SLC9A3: variants seen among roughly 807,000 people sequenced by gnomAD.
The protein encoded by SLC9A3 is solute carrier family 9 member A3.
SLC9A3 carries 37 observed loss-of-function variants against 86.8 expected under a neutral mutation model. The ratio of observed to expected loss-of-function variants is 0.43; its 90% CI spans 0.33 to 0.56. The LOEUF is 0.56. Among genes scored for constraint, SLC9A3 ranks in the 20% least tolerant of loss-of-function variants. SLC9A3 has a pLI of 0.06. For missense variants in SLC9A3, 1,011 were observed against 1,171.9 expected (o/e 0.86, Z 2.00); for synonymous variants, 581 against 528.3 (o/e 1.10, Z -1.37).
At position 513,735 on chromosome 5, in the gene SLC9A3, G is replaced by A. The variant is rs916732991; in HGVS notation, c.211+10377C>T. Among the ~76,000 whole-genome samples, 6 of 152,202 alleles carry A rather than the reference G, an allele frequency of 3.9e-5. No homozygotes were observed. The South Asian group carries it at 6.2e-4, about 16-fold the overall frequency. On this transcript the variant is annotated intron_variant, in intron 1 of 16. Transcript: ENST00000264938. ...CAGACAGCAGCCCCGGGCCACCCTC[G>A]CCTTCTCCCCCTGTGATGGTACACA...
chr5:501,203 G>A (rs1211167322), intron 1 of SLC9A3, among the ~76,000 whole-genome samples: 2 of 152,134 alleles, frequency 1.3e-5, no homozygotes, highest in East Asian at 3.9e-4. Context: ...CTTCTCTCTG[G>A]GCCCCGGGGG....
chr5:490,435 C>T (rs1739680734), intron 2 of SLC9A3, among the ~76,000 whole-genome samples: 1 of 152,276 alleles, frequency 6.6e-6, no homozygotes, highest in South Asian at 2.1e-4. Context: ...CAGGCTCGGC[C>T]AGTTGCACCG....
intron 1 of SLC9A3, among the ~76,000 whole-genome samples, chr5:499,543 C>T (rs191016271): frequency 1.2e-3 from 189 of 152,332 alleles, no homozygotes; most frequent in Middle Eastern, 3.4e-3. Flanking sequence ...GATGGGATGA[C>T]GACACTTGGG....
Position 471,554 on chromosome 5 carries a change from G to C in SLC9A3, c.*1825C>G, listed in dbSNP as rs1182130328. On this transcript the variant is annotated 3_prime_UTR_variant, in exon 17 of 17. Coordinates refer to ENST00000264938, the MANE Select transcript of SLC9A3 (RefSeq NM_004174.4). The stretch of plus-strand genomic sequence containing the variant: ...GGAAGGCCAGGCCCCGGCCTGCTCC[G>C]ATGAACGTCAGGACGGTGGCTGCAG... 1 of 351,212 alleles carries C rather than the reference G, an allele frequency of 2.8e-6. No homozygotes were observed. The highest frequency in any genetic ancestry group is 5.6e-6 in the Non-Finnish European group (1 of 177,962). The allele number at this position is 351,212 out of a possible 1,614,324, so 21.8% of individuals were successfully genotyped here. A position where few individuals can be genotyped will look rare whatever the true frequency, so the allele number is the denominator to read the frequency against.
intron 15 of SLC9A3, 43 bp downstream of exon 15, chr5:475,518 A>G (rs1373362966): frequency 2.5e-6 from 3 of 1,180,238 alleles, no homozygotes; most frequent in South Asian, 1.3e-5. Context: ...GGGCGGCAGG[A>G]GCCACCCCTC....
At chr5:486,443 C>T (rs1182361494) in intron 3 of SLC9A3, among the ~76,000 whole-genome samples, 7 of 152,206 alleles carry the variant, frequency 4.6e-5, no homozygotes, top group Non-Finnish European at 8.8e-5. Flanking sequence ...TAACCATGTT[C>T]CTTGGGGTTC....
rs1268395356 is a variant in SLC9A3, at chr5:476,738, C to T, written c.1761-66G>A. 2.5e-6 allele frequency: 4 copies of T among 1,569,986 alleles called. No individual in the cohort carries two copies. The African/African-American group carries it at 5.4e-5, about 21-fold the overall frequency. On this transcript the variant is annotated intron_variant, in intron 11 of 16. Coordinates refer to ENST00000264938, the MANE Select transcript of SLC9A3 (RefSeq NM_004174.4). ...GGTGGGGTCTCTTGCGCGCCCCTCG[C>T]CTTCCCACGGCGGGCATCTGGCCCT... is the stretch of plus-strand genomic sequence containing the variant.
rs1462418070 is a variant in SLC9A3 at position 475,653 on chromosome 5, G to A, written c.2159C>T (p.Thr720Ile). Residue 720 changes from threonine (T) to isoleucine (I), a missense_variant, in exon 15 of 17, where the codon ACC (threonine) becomes ATC (isoleucine). Physicochemically the swap from Thr to Ile is moderately conservative, Grantham distance 89 (BLOSUM62 -1). This residue lies in a region of SLC9A3 where 397 missense variants were observed against 346.3 expected (regional missense o/e 1.15). Transcript: ENST00000264938. Reference sequence around the variant, plus strand: ...CTCATCATAGTTGGGGGGCTCCTCGGTGTCTGAAAGTTCCAAGTCTGGGGA... The same window carrying A: ...CTCATCATAGTTGGGGGGCTCCTCGATGTCTGAAAGTTCCAAGTCTGGGGA... Reference protein sequence around the residue: ...IKEKDLELSDTEEPPNYDEEM... With the variant: ...IKEKDLELSDIEEPPNYDEEM... 1 of 1,550,200 alleles carries A rather than the reference G, an allele frequency of 6.5e-7. No homozygotes were observed. The highest frequency in any genetic ancestry group is 1.4e-5 in the African/African-American group (1 of 73,020).
At position 482,601 on chromosome 5, in the gene SLC9A3, T is replaced by G. The variant is rs1410862422; in HGVS notation, c.1303A>C (p.Asn435His). The change falls in exon 7 of 17, where the codon AAC (asparagine) becomes CAC (histidine). Residue 435 changes from asparagine (N) to histidine (H), a missense_variant. Coordinates refer to ENST00000264938, the MANE Select transcript of SLC9A3 (RefSeq NM_004174.4). Reference sequence around the variant, plus strand: ...ATGATGGTGGTGCTGACGAACAGGTTCTTCTCCTTGACCTTGTCTCCATCC... The same window carrying G: ...ATGATGGTGGTGCTGACGAACAGGTGCTTCTCCTTGACCTTGTCTCCATCC... ...LLDGDKVKEKNLFVSTTIIVV... is the reference protein window; with the variant it reads ...LLDGDKVKEKHLFVSTTIIVV... 34 of 1,612,664 alleles carry G rather than the reference T, an allele frequency of 2.1e-5. No individual in the cohort carries two copies. The highest frequency in any genetic ancestry group is 2.9e-5 in the Non-Finnish European group (34 of 1,179,886).
chr5:475,755 GCA>G (rs1406752318), intron 14 of SLC9A3, 84 bp from the exon 15 acceptor site: 4 of 811,956 alleles, frequency 4.9e-6, no homozygotes, highest in Non-Finnish European at 8.3e-6. Context: ...TCAGCTCTGT[GCA>G]CAGAGGTGCA....
Position 475,746 on chromosome 5 carries a change from C to G in SLC9A3, c.2141-75G>C, listed in dbSNP as rs1156300722. ...TCACAGCCCAGTCAGCAGTGTCCAT[C>G]AGCTCTGTGCACAGAGGTGCAGGCA... On this transcript the variant is annotated intron_variant, in intron 14 of 16. Coordinates refer to ENST00000264938, the MANE Select transcript of SLC9A3 (RefSeq NM_004174.4). 4.6e-6 allele frequency: 4 copies of G among 861,704 alleles called. No individual in the cohort carries two copies. In the African/African-American group the frequency reaches 6.7e-5, roughly 14 times the overall value. The allele number at this position is 861,704 out of a possible 1,614,324, so 53.4% of individuals were successfully genotyped here. A position where few individuals can be genotyped will look rare whatever the true frequency, so the allele number is the denominator to read the frequency against.
intron 1 of SLC9A3, among the ~76,000 whole-genome samples, chr5:505,876 T>C (rs1405875583): frequency 1.4e-5 from 2 of 146,914 alleles, no homozygotes; most frequent in Non-Finnish European, 3.0e-5. Flanking sequence ...ACCACGGAGA[T>C]GAAATTAATG....
intron 10 of SLC9A3, chr5:479,613 C>T: frequency 1.8e-6 from 1 of 543,224 alleles, no homozygotes; most frequent in East Asian, 3.2e-5. Flanking sequence ...GCGCTCACCC[C>T]CACCAGCACC....
Position 481,546 on chromosome 5 carries a change from G to T in SLC9A3, c.1517+19C>A, listed in dbSNP as rs1374930365. ...AAGCCGGGCTGTGCGACACCGCCGGGGCCGTCCCAGCCACTTACTTGTCTC... is the reference window on the plus strand; with the variant it reads ...AAGCCGGGCTGTGCGACACCGCCGGTGCCGTCCCAGCCACTTACTTGTCTC... On this transcript the variant is annotated intron_variant, in intron 9 of 16. Transcript: ENST00000264938. 1 of 1,606,096 alleles carries T rather than the reference G, an allele frequency of 6.2e-7. No individual in the cohort carries two copies.
At position 476,376 on chromosome 5, in the gene SLC9A3, G is replaced by A. The variant is rs2126605160; in HGVS notation, c.1893C>T (p.Tyr631=). The A allele has an allele frequency of 1.9e-6, 3 of 1,613,674 alleles. No individual in the cohort carries two copies. In the South Asian group the frequency reaches 3.3e-5, roughly 18 times the overall value. Residue 631 remains tyrosine, a splice_region_variant and synonymous_variant, in exon 13 of 17, where the codon TAC becomes TAT. Transcript: ENST00000264938. ...GCTCGTGTCGGCTGTACAGATGCTT[G>A]TACTGCGGGATCAGGCACGGAGGTC... The part of the protein sequence containing the change: ...QQYLYKPRQE[Y]KHLYSRHELT...
At chr5:483,537 C>A in intron 5 of SLC9A3, 55 bp from the exon 6 acceptor site, 6 of 1,252,510 alleles carry the variant, frequency 4.8e-6, no homozygotes, top group Non-Finnish European at 6.8e-6. Context: ...GCCCGAGGCC[C>A]CCGTGTCCGC....
chr5:481,754 C>T, intron 8 of SLC9A3, 119 bp from the exon 9 acceptor site: 1 of 903,458 alleles, frequency 1.1e-6, no homozygotes, highest in South Asian at 1.3e-5. Context: ...CGCCCCTGGC[C>T]TGGACGCAGC....
intron 1 of SLC9A3, among the ~76,000 whole-genome samples, chr5:501,955 G>A (rs568151056): frequency 1.6e-4 from 24 of 152,342 alleles, no homozygotes; most frequent in Middle Eastern, 3.4e-3. Context: ...CCGGGCCCCC[G>A]GGCCGGGAAG....
chr5:473,222 G>T lies in SLC9A3; in HGVS notation c.*157C>A. On this transcript the variant is annotated 3_prime_UTR_variant, in exon 17 of 17. Coordinates refer to ENST00000264938, the MANE Select transcript of SLC9A3 (RefSeq NM_004174.4). The stretch of plus-strand genomic sequence containing the variant: ...CGGGCGCAGGCGCGGCACTCTCGGA[G>T]TTCTGCGCAGGCGCTGGCGTGGGCG... The T allele has an allele frequency of 1.2e-6, 1 of 831,338 alleles. No individual in the cohort carries two copies. The highest frequency in any genetic ancestry group is 1.6e-6 in the Non-Finnish European group (1 of 627,010). The allele number at this position is 831,338 out of a possible 1,614,324, so 51.5% of individuals were successfully genotyped here.
Sources: allele counts gnomAD v4.1 joint callset (sites outside exome capture counted in the v4.1 genomes callset), GRCh38; gene constraint gnomAD v4.1.1; regional missense constraint gnomAD v4.1.1; transcripts MANE v1.5; gene names NCBI Gene and HGNC (gene_info 2026-07-23, HGNC 2026-07-21).